Variants in CCDC191 observed in about 807,000 individuals in gnomAD.
The protein encoded by CCDC191 is coiled-coil domain containing 191.
A neutral mutation model predicts 114.0 loss-of-function variants in CCDC191; 99 were observed. The observed-to-expected ratio is 0.87, with a 90% CI of 0.74 to 1.03. The LOEUF (loss-of-function observed/expected upper bound fraction) is 1.03. CCDC191 is among the 50% of genes least tolerant of loss of function. CCDC191 has a pLI of 0.00. For missense variants in CCDC191, 973 were observed against 1,087.0 expected (o/e 0.90, Z 1.47); for synonymous variants, 351 against 376.0 (o/e 0.93, Z 0.77).
chr3:113,989,697 A>C (rs1257150718), intron 13 of CCDC191, among the ~76,000 whole-genome samples: 2 of 152,188 alleles, frequency 1.3e-5, no homozygotes, highest in Non-Finnish European at 2.9e-5. Context: ...CACACTAGAA[A>C]AGGAGAGGCC....
In CCDC191 at chr3:114,010,953, T is replaced by C. The variant is rs777686653; in HGVS notation, c.1232A>G (p.His411Arg). 21 of 1,613,978 alleles carry C rather than the reference T, an allele frequency of 1.3e-5. No homozygotes were observed. Among genetic ancestry groups the C allele is most frequent in the South Asian group, 3.3e-5 (3 of 91,092 alleles). The stretch of plus-strand genomic sequence containing the variant: ...CTTCAGGAGCTCGGCGCCATGCCAA[T>C]GCTGCCATTCTGTAAAGCAGTGTCG... ...VLRHCFTEWQ[H>R]WHGAELLKRE... Residue 411 changes from histidine to arginine, a missense_variant, in exon 9 of 17, where the codon CAT becomes CGT. Transcript: ENST00000295878.
At chr3:114,042,147 A>C (rs2076571029) in intron 4 of CCDC191, among the ~76,000 whole-genome samples, 1 of 152,224 alleles carries the variant, frequency 6.6e-6, no homozygotes, top group Admixed American at 6.5e-5. Flanking sequence ...AGGCACTCTG[A>C]AACAGCATTA....
chr3:114,032,383 T>A lies in CCDC191; in HGVS notation c.819-604A>T, dbSNP rs574070274. Among the ~76,000 whole-genome samples the A allele has an allele frequency of 5.3e-5, 8 of 152,320 alleles. No individual in the cohort carries two copies. In the South Asian group the frequency reaches 1.7e-3, roughly 32 times the overall value. ...CTGAGCATCCTCTTTTTTGCCCACCTATCTATTCTTCCTCATCCAGGCCAT... is the reference window on the plus strand; with the variant it reads ...CTGAGCATCCTCTTTTTTGCCCACCAATCTATTCTTCCTCATCCAGGCCAT... On this transcript the variant is annotated intron_variant, in intron 6 of 16. Coordinates refer to ENST00000295878, the MANE Select transcript of CCDC191 (RefSeq NM_020817.2).
intron 9 of CCDC191, among the ~76,000 whole-genome samples, chr3:114,009,689 C>A (rs1173751822): frequency 6.6e-6 from 1 of 152,098 alleles, no homozygotes; most frequent in Non-Finnish European, 1.5e-5. Context: ...CAAAGAGATA[C>A]AAATGTTGAA....
rs184886759 is a variant in CCDC191 at position 114,015,144 on chromosome 3, G to A, written c.1163+3534C>T. Among the ~76,000 whole-genome samples, 4 of 152,066 alleles carry A rather than the reference G, an allele frequency of 2.6e-5. No homozygotes were observed. In the East Asian group the frequency reaches 7.7e-4, roughly 29 times the overall value. ...ACTTTGGGCACTGTTTCCAGACAGT[G>A]CCTGTTAAAATAAAAAAAAAATGTC... is the stretch of plus-strand genomic sequence containing the variant. On this transcript the variant is annotated intron_variant, in intron 8 of 16. Transcript: ENST00000295878.
At chr3:114,038,808 C>T (rs1171404038) in intron 4 of CCDC191, among the ~76,000 whole-genome samples, 2 of 152,178 alleles carry the variant, frequency 1.3e-5, no homozygotes, top group East Asian at 3.9e-4. Flanking sequence ...TGCATGTTCT[C>T]ACTTAAAAGT....
intron 13 of CCDC191, among the ~76,000 whole-genome samples, chr3:113,993,280 A>G (rs1036164858): frequency 2.6e-5 from 4 of 152,154 alleles, no homozygotes; most frequent in African/African-American, 9.7e-5. Context: ...ATTCATATGG[A>G]AAGTCAAATG....
chr3:114,042,268 TAAA>T (rs986433962), intron 4 of CCDC191, among the ~76,000 whole-genome samples: 20 of 152,120 alleles, frequency 1.3e-4, no homozygotes, highest in African/African-American at 4.8e-4. Context: ...TGAAAAAAAT[TAAA>T]AATAACAATA....
At chr3:114,042,399 C>T (rs533353659) in intron 4 of CCDC191, among the ~76,000 whole-genome samples, 6 of 152,068 alleles carry the variant, frequency 3.9e-5, no homozygotes, top group South Asian at 2.1e-4. Context: ...CGAGAGGATA[C>T]GCACAAGACT....
intron 8 of CCDC191, among the ~76,000 whole-genome samples, chr3:114,015,325 G>A (rs1232257284): frequency 1.3e-5 from 2 of 152,160 alleles, no homozygotes; most frequent in Non-Finnish European, 2.9e-5. Flanking sequence ...TACAGAGAAG[G>A]GCAGAGATGC....
At chr3:113,966,960 A>G (rs149970662) in intron 16 of CCDC191, among the ~76,000 whole-genome samples, 3,612 of 151,996 alleles carry the variant, frequency 0.024, 157 homozygotes, top group African/African-American at 0.082. Context: ...TTAGCCCGGC[A>G]TGGTGGCAGG....
intron 16 of CCDC191, among the ~76,000 whole-genome samples, chr3:113,970,469 T>A (rs1447775838): frequency 6.6e-6 from 1 of 152,112 alleles, no homozygotes; most frequent in East Asian, 1.9e-4. Context: ...CTGGATGCCC[T>A]TATTTTTTTC....
intron 13 of CCDC191, among the ~76,000 whole-genome samples, chr3:113,988,820 G>A (rs959501296): frequency 1.3e-5 from 2 of 151,400 alleles, no homozygotes; most frequent in Non-Finnish European, 2.9e-5. Flanking sequence ...TTGAGACAGA[G>A]TCTCGCTCTG....
At chr3:113,988,626 CAAA>C (rs887679387) in intron 13 of CCDC191, among the ~76,000 whole-genome samples, 6,403 of 42,624 alleles carry the variant, frequency 0.15, 58 homozygotes, top group Middle Eastern at 0.22. Context: ...GACTCCATCT[CAAA>C]AAAAAAAAAA....
intron 2 of CCDC191, among the ~76,000 whole-genome samples, chr3:114,051,339 A>G (rs942996504): frequency 6.6e-6 from 1 of 152,124 alleles, no homozygotes; most frequent in Non-Finnish European, 1.5e-5. Flanking sequence ...ATATGCAGCT[A>G]CTATCTTACT....
chr3:114,053,087 G>A (rs989186645), intron 2 of CCDC191, among the ~76,000 whole-genome samples: 5 of 152,166 alleles, frequency 3.3e-5, no homozygotes, highest in African/African-American at 1.2e-4. Context: ...CAAACATATT[G>A]TTCATTAGCC....
At chr3:113,993,382 T>C (rs1288812506) in intron 13 of CCDC191, among the ~76,000 whole-genome samples, 1 of 152,150 alleles carries the variant, frequency 6.6e-6, no homozygotes, top group Non-Finnish European at 1.5e-5. Flanking sequence ...ACAGTATTAC[T>C]TGCAAAGGAA....
intron 7 of CCDC191, among the ~76,000 whole-genome samples, chr3:114,027,601 CAAAAAAAAAAAA>C (rs67548547): frequency 6.7e-5 from 4 of 60,124 alleles, no homozygotes; most frequent in East Asian, 9.3e-4. Flanking sequence ...GACTCTGTCT[CAAAAAAAAAAAA>C]AAAAAAAAAG....
chr3:113,964,927 C>T lies in CCDC191; in HGVS notation c.*228G>A, dbSNP rs958706673. On this transcript the variant is annotated 3_prime_UTR_variant, in exon 17 of 17. Coordinates refer to ENST00000295878, the MANE Select transcript of CCDC191 (RefSeq NM_020817.2). ...TAGGATATATTTGAACAGACGATCT[C>T]TAGAATGTTCCTTTGGATGATCCCA... The T allele has an allele frequency of 2.8e-5, 10 of 360,108 alleles. No homozygotes were observed. The highest frequency in any genetic ancestry group is 4.9e-5 in the Non-Finnish European group (10 of 202,550). 22.3% of individuals were successfully genotyped at this position (360,108 alleles called of 1,614,324 possible). A position where few individuals can be genotyped will look rare whatever the true frequency, so the allele number is the denominator to read the frequency against.
Sources: allele counts gnomAD v4.1 joint callset (sites outside exome capture counted in the v4.1 genomes callset), GRCh38; gene constraint gnomAD v4.1.1; transcripts MANE v1.5; gene names NCBI Gene and HGNC (gene_info 2026-07-23, HGNC 2026-07-21).